MYH6: variants seen among roughly 807,000 people sequenced by gnomAD.
The protein encoded by MYH6 is myosin-6.
MYH6 carries 126 observed loss-of-function variants against 223.2 expected under a neutral mutation model. The ratio of observed to expected loss-of-function variants is 0.56; its 90% CI spans 0.49 to 0.65. The LOEUF (loss-of-function observed/expected upper bound fraction) is 0.65. Among genes scored for constraint, MYH6 ranks in the 30% least tolerant of loss-of-function variants. The pLI is 0.00. For synonymous variants in MYH6, 978 were observed against 1,010.2 expected (o/e 0.97, Z 0.61); for missense variants, 2,040 against 2,536.4 (o/e 0.80, Z 4.20).
At chr14:23,389,935 G>T (rs1459099616) in intron 26 of MYH6, 122 bp downstream of exon 26, 2 of 1,590,168 alleles carry the variant, frequency 1.3e-6, no homozygotes, top group Admixed American at 3.4e-5. Flanking sequence ...GAGACAGGAA[G>T]AGAGACCAAA....
chr14:23,396,758 C>A lies in MYH6; in HGVS notation c.2228G>T (p.Gly743Val), dbSNP rs1412862113. Residue 743 changes from glycine (G) to valine (V), a missense_variant, in exon 19 of 39, where the codon GGG becomes GTG. Transcript: ENST00000405093. ...CAGAGAGCTGAGCAGCTTCTCTGTC[C>A]CCTTCCTGCTATCAATGAACTGTCC... ...PEGQFIDSRKGTEKLLSSLDI... is the reference protein window; with the variant it reads ...PEGQFIDSRKVTEKLLSSLDI... The A allele has an allele frequency of 1.9e-6, 3 of 1,613,870 alleles. No homozygotes were observed. Among genetic ancestry groups the A allele is most frequent in the Non-Finnish European group, 8.5e-7 (1 of 1,179,890 alleles).
In MYH6 at chr14:23,393,473, C is replaced by A. The variant is rs779051645; in HGVS notation, c.2974G>T (p.Ala992Ser). ...EEMAGLDEII[A>S]KLTKEKKALQ... ...GCTTTCTTCTCCTTGGTCAGCTTAGCGATGATTTCATCCAGCCCAGCCATC... is the reference window on the plus strand; with the variant it reads ...GCTTTCTTCTCCTTGGTCAGCTTAGAGATGATTTCATCCAGCCCAGCCATC... The change falls in exon 23 of 39, where the codon GCT (alanine) becomes TCT (serine). Residue 992 changes from alanine to serine, a missense_variant. This residue lies in a region of MYH6 where 1,203 missense variants were observed against 1,400.2 expected (regional missense o/e 0.86). Coordinates refer to ENST00000405093, the MANE Select transcript of MYH6 (RefSeq NM_002471.4). The A allele has an allele frequency of 1.9e-6, 3 of 1,614,138 alleles. No individual in the cohort carries two copies. Among genetic ancestry groups the A allele is most frequent in the Non-Finnish European group, 2.5e-6 (3 of 1,180,012 alleles).
Position 23,386,400 on chromosome 14 carries a change from T to A in MYH6, c.4874A>T (p.Asn1625Ile). 2 of 1,614,176 alleles carry A rather than the reference T, an allele frequency of 1.2e-6. No individual in the cohort carries two copies. The highest frequency in any genetic ancestry group is 2.2e-5 in the East Asian group (1 of 44,876). The change falls in exon 33 of 39, where the codon AAT becomes ATT. Residue 1625 changes from asparagine (N) to isoleucine (I), a missense_variant. Coordinates refer to ENST00000405093, the MANE Select transcript of MYH6 (RefSeq NM_002471.4). ...GTGGCTGAGCTGGATCTCCATCTCA[T>A]TGAGGTCTCCTTCCATCTTCTTCTT... ...RVKKKMEGDL[N>I]EMEIQLSHAN...
chr14:23,401,860 T>A (rs1046774088), intron 12 of MYH6, among the ~76,000 whole-genome samples: 1 of 152,260 alleles, frequency 6.6e-6, no homozygotes, highest in African/African-American at 2.4e-5. Flanking sequence ...AAGAATGTTG[T>A]AATAACTGTT....
intron 26 of MYH6, 106 bp from the exon 27 acceptor site, chr14:23,389,825 C>T (rs1891176572): frequency 6.3e-7 from 1 of 1,588,336 alleles, no homozygotes; most frequent in Non-Finnish European, 8.6e-7. Flanking sequence ...GAGGGGGACA[C>T]AGAAGGTGTG....
chr14:23,401,437 G>T (rs1891598132), intron 12 of MYH6, among the ~76,000 whole-genome samples: 1 of 152,246 alleles, frequency 6.6e-6, no homozygotes, highest in Admixed American at 6.5e-5. Context: ...GCTTGCCTTG[G>T]TTACTCAACC....
Position 23,405,356 on chromosome 14 carries a change from G to C in MYH6, c.369C>G (p.Val123=), listed in dbSNP as rs780659186. ...MIYTYSGLFC[V]TVNPYKWLPV... The stretch of plus-strand genomic sequence containing the variant: ...GCAGCCACTTGTAGGGGTTGACAGT[G>C]ACACAGAAGAGGCCCGAGTAGGTCT... Residue 123 remains valine (V), a synonymous_variant, in exon 5 of 39, where the codon GTC becomes GTG. Coordinates refer to ENST00000405093, the MANE Select transcript of MYH6 (RefSeq NM_002471.4). The surrounding 1 kb of genome is among the most constrained non-coding windows in gnomAD (Gnocchi z 4.7). The C allele has an allele frequency of 6.2e-7, 1 of 1,614,174 alleles. No individual in the cohort carries two copies. Among genetic ancestry groups the C allele is most frequent in the South Asian group, 1.1e-5 (1 of 91,080 alleles).
intron 28 of MYH6, 33 bp downstream of exon 28, chr14:23,389,360 T>A (rs539668201): frequency 6.2e-7 from 1 of 1,608,466 alleles, no homozygotes; most frequent in Admixed American, 1.7e-5. Context: ...AGGGCTGCCA[T>A]CAAGCCTGCC....
intron 38 of MYH6, 78 bp downstream of exon 38, chr14:23,382,350 T>A: frequency 6.2e-7 from 1 of 1,600,828 alleles, no homozygotes. Context: ...GGGCAAGCAG[T>A]GCCCACTCTG....
rs28730779 is a variant in MYH6, at chr14:23,407,231, C to T, written c.-8G>A. The T allele has an allele frequency of 1.4e-4, 219 of 1,614,214 alleles. No individual in the cohort carries two copies. In the East Asian group the frequency reaches 3.4e-3, roughly 25 times the overall value. On this transcript the variant is annotated 5_prime_UTR_variant, in exon 3 of 39. Transcript: ENST00000405093. The surrounding 1 kb of genome is among the most constrained non-coding windows in gnomAD (Gnocchi z 5.6). Reference sequence around the variant, plus strand: ...CATCTGGGCATCGGTCATCTTGGTGCTTCCCCTGGGTCAGAGACAGGAGGG... The same window carrying T: ...CATCTGGGCATCGGTCATCTTGGTGTTTCCCCTGGGTCAGAGACAGGAGGG...
rs2138590577 is a variant in MYH6, at chr14:23,389,072, G to GCC, written c.3979-18_3979-17insGG. On this transcript the variant is annotated splice_polypyrimidine_tract_variant and intron_variant, in intron 28 of 38. Coordinates refer to ENST00000405093, the MANE Select transcript of MYH6 (RefSeq NM_002471.4). ...GTTCTTCGCCTGGGGAGGGGGGGGG[G>GCC]CACCAGGAGGTGGGAGGGACTCCCT... 2.0e-3 allele frequency: 2,289 copies of GCC among 1,124,478 alleles called. No individual in the cohort carries two copies. The highest frequency in any genetic ancestry group is 2.8e-3 in the Non-Finnish European group (2,133 of 764,312). The allele number at this position is 1,124,478 out of a possible 1,614,324, so 69.7% of individuals were successfully genotyped here.
Position 23,383,332 on chromosome 14 carries a change from AG to A in MYH6, c.5566-13del. 1.8e-5 allele frequency: 1 copy of A among 55,094 alleles called. No homozygotes were observed. Among genetic ancestry groups the A allele is most frequent in the Admixed American group, 2.8e-4 (1 of 3,538 alleles). The allele number at this position is 55,094 out of a possible 1,614,324, so 3.4% of individuals were successfully genotyped here. A position where few individuals can be genotyped will look rare whatever the true frequency, so the allele number is the denominator to read the frequency against. ...TTGTCTTCCTCTGTCTGGGGGTGGG[AG>A]GGTGGGAGAAGCTGGTTTGGAGGGG... is the stretch of plus-strand genomic sequence containing the variant. On this transcript the variant is annotated splice_polypyrimidine_tract_variant and intron_variant, in intron 36 of 38. Coordinates refer to ENST00000405093, the MANE Select transcript of MYH6 (RefSeq NM_002471.4).
chr14:23,384,170 T>A (rs1890945063), intron 36 of MYH6, among the ~76,000 whole-genome samples: 1 of 147,990 alleles, frequency 6.8e-6, no homozygotes, highest in African/African-American at 2.5e-5. Context: ...GAAGTCTTCA[T>A]GGTAGCACTT....
chr14:23,398,007 TTCTTCTTC>T (rs1349032863), intron 15 of MYH6, among the ~76,000 whole-genome samples: 3 of 137,534 alleles, frequency 2.2e-5, no homozygotes, highest in Non-Finnish European at 4.7e-5. Context: ...CTTCTTCTTC[TTCTTCTTC>T]TTCTTCTTCC....
At chr14:23,384,340 C>G in intron 36 of MYH6, 102 bp downstream of exon 36, 1 of 1,553,658 alleles carries the variant, frequency 6.4e-7, no homozygotes, top group South Asian at 1.1e-5. Context: ...AATCTACCAA[C>G]AGCATCTCAA....
Position 23,400,479 on chromosome 14 carries a change from T to C in MYH6, c.1411-53A>G, listed in dbSNP as rs148861952. The C allele has an allele frequency of 3.9e-4, 629 of 1,613,476 alleles. 3 individuals are homozygous for C. The African/African-American group carries it at 6.5e-3, about 17-fold the overall frequency. ...GTCAGAAAGTGGGTGTGAGTGGCCA[T>C]TGGGGCTGTGCCCGTGCACTGTGCC... On this transcript the variant is annotated intron_variant, in intron 13 of 38. Coordinates refer to ENST00000405093, the MANE Select transcript of MYH6 (RefSeq NM_002471.4).
At chr14:23,384,824 G>T in intron 35 of MYH6, 92 bp downstream of exon 35, 1 of 1,613,262 alleles carries the variant, frequency 6.2e-7, no homozygotes, top group Non-Finnish European at 8.5e-7. Flanking sequence ...CAGAACTGCA[G>T]AGTTGGCTTG....
At chr14:23,392,525 T>G in intron 25 of MYH6, 37 bp downstream of exon 25, 826 of 1,445,656 alleles carry the variant, frequency 5.7e-4, no homozygotes, top group Non-Finnish European at 7.3e-4. Context: ...TCAGGGCTAT[T>G]GAGCTCCCAC....
rs981486511 is a variant in MYH6, at chr14:23,386,480, C to T, written c.4794G>A (p.Ser1598=). The change falls in exon 33 of 39, where the codon TCG becomes TCA. Residue 1598 remains serine, a synonymous_variant. Coordinates refer to ENST00000405093, the MANE Select transcript of MYH6 (RefSeq NM_002471.4). Reference sequence around the variant, plus strand: ...TCTCTGCATCCAGGGAGGTCTGCAGCGAGTCCACCACCCGCTGGTGGTTGC... The same window carrying T: ...TCTCTGCATCCAGGGAGGTCTGCAGTGAGTCCACCACCCGCTGGTGGTTGC... ...AKRNHQRVVD[S]LQTSLDAETR... is the part of the protein sequence containing the mutation. The T allele has an allele frequency of 6.8e-6, 11 of 1,614,060 alleles. No individual in the cohort carries two copies. Among genetic ancestry groups the T allele is most frequent in the African/African-American group, 2.7e-5 (2 of 74,906 alleles).
Sources: gnomAD v4.1 joint callset for allele counts (sites outside exome capture counted in the v4.1 genomes callset) on GRCh38, gnomAD v4.1.1 for gene constraint, gnomAD v4.1.1 regional missense constraint, Gnocchi (gnomAD v3.1) non-coding constraint, MANE v1.5 for transcripts, NCBI Gene and HGNC (gene_info 2026-07-23, HGNC 2026-07-21) for gene names.